MICALL2: variants seen among roughly 807,000 people sequenced by gnomAD.
MICALL2 encodes MICAL like 2, also known as MICAL-like protein 2.
MICALL2 carries 111 observed loss-of-function variants against 91.1 expected under a neutral mutation model. The observed-to-expected ratio is 1.22, with a 90% CI of 1.04 to 1.43. The LOEUF is 1.43. Ranked by LOEUF, MICALL2 falls within the 40% of genes most tolerant of loss-of-function variation. The pLI is 0.00. For synonymous variants in MICALL2, 694 were observed against 525.3 expected, an observed-to-expected ratio of 1.32 and a Z score of -4.39; for missense variants, 1,556 against 1,236.0, an observed-to-expected ratio of 1.26 and a Z score of -3.88.
At chr7:1,450,952 C>A (rs760551180) in intron 1 of MICALL2, among the ~76,000 whole-genome samples, 2 of 152,232 alleles carry the variant, frequency 1.3e-5, no homozygotes, top group Non-Finnish European at 1.5e-5. Flanking sequence ...ATGTCTGCAT[C>A]TCACAGAGAC....
rs1453925889 is a variant in MICALL2, at chr7:1,445,079, G to A, written c.991C>T (p.Pro331Ser). The change falls in exon 6 of 17, where the codon CCC (proline) becomes TCC (serine). Residue 331 changes from proline (P) to serine (S), a missense_variant. By Grantham distance (74) the Pro-to-Ser change is moderately conservative (BLOSUM62 -1). Coordinates refer to ENST00000297508, the MANE Select transcript of MICALL2 (RefSeq NM_182924.4). ...RPSESRLAPT[P>S]TEGKVRPRVT... ...CGAGGGCGGACTTTCCCCTCCGTGG[G>A]AGTGGGGGCCAGGCGGCTCTCAGAG... is the stretch of plus-strand genomic sequence containing the variant. The A allele has an allele frequency of 5.2e-6, 8 of 1,551,044 alleles. No individual in the cohort carries two copies. The highest frequency in any genetic ancestry group is 1.2e-5 in the South Asian group (1 of 84,318).
In MICALL2 at chr7:1,459,327, G is replaced by C. The variant is rs1416909596; in HGVS notation, c.-1C>G. On this transcript the variant is annotated 5_prime_UTR_variant, in exon 1 of 17. Coordinates refer to ENST00000297508, the MANE Select transcript of MICALL2 (RefSeq NM_182924.4). ...GTTGCAGCGCCCTGATGGCCGCCAT[G>C]TGGGCGGCGCGCCCGCCGCGCGGCG... 2.0e-6 allele frequency: 3 copies of C among 1,531,826 alleles called. No homozygotes were observed. The highest frequency in any genetic ancestry group is 2.9e-5 in the African/African-American group (2 of 69,548). 94.9% of individuals were successfully genotyped at this position (1,531,826 alleles called of 1,614,324 possible).
In MICALL2 at chr7:1,437,993, G is replaced by T. The variant is rs370169522; in HGVS notation, c.2312-13C>A. On this transcript the variant is annotated splice_polypyrimidine_tract_variant and intron_variant, in intron 12 of 16. Transcript: ENST00000297508. ...TCCTCAGCGTCATCTGGGGAGAGGA[G>T]CCAGCTGGGGCAGGGGGGCCCGCCA... 43 of 1,550,702 alleles carry T rather than the reference G, an allele frequency of 2.8e-5. No homozygotes were observed. The African/African-American group carries it at 4.8e-4, about 17-fold the overall frequency.
Position 1,459,182 on chromosome 7 carries a change from A to T in MICALL2, c.143+2T>A. Reference sequence around the variant, plus strand: ...AATCAAAGGGCGCCAGGCAGGACTTACATGAGGTCGGGCCGGTGGCGGTGC... The same window carrying T: ...AATCAAAGGGCGCCAGGCAGGACTTTCATGAGGTCGGGCCGGTGGCGGTGC... On this transcript the variant is annotated splice_donor_variant, in intron 1 of 16. Transcript: ENST00000297508. LOFTEE classifies it high-confidence loss of function. 6.2e-7 allele frequency: 1 copy of T among 1,608,292 alleles called. No individual in the cohort carries two copies. Among genetic ancestry groups the T allele is most frequent in the South Asian group, 1.1e-5 (1 of 90,460 alleles).
intron 14 of MICALL2, chr7:1,437,209 T>C (rs1420726074): frequency 4.1e-6 from 2 of 492,508 alleles, no homozygotes; most frequent in South Asian, 3.0e-5. Context: ...ACGAGACAAA[T>C]GCCTATGGCT....
At chr7:1,441,849 C>G (rs1780296502) in intron 7 of MICALL2, 1 of 337,654 alleles carries the variant, frequency 3.0e-6, no homozygotes, top group Non-Finnish European at 5.5e-6. Context: ...GGAGGCCCCA[C>G]AGACCACGGC....
At position 1,434,581 on chromosome 7, in the gene MICALL2, C is replaced by A. The variant is rs769538032; in HGVS notation, c.*15G>T. The A allele has an allele frequency of 3.1e-6, 5 of 1,605,930 alleles. No homozygotes were observed. The highest frequency in any genetic ancestry group is 2.2e-5 in the South Asian group (2 of 90,876). On this transcript the variant is annotated 3_prime_UTR_variant, in exon 17 of 17. Transcript: ENST00000297508. ...GGATGCCAGGTCCGGGCCGAGCCCA[C>A]GGCCCTACTGGCTACTACTGGGAGG...
rs761573906 is a variant in MICALL2 at position 1,444,710 on chromosome 7, T to C, written c.1360A>G (p.Asn454Asp). The C allele has an allele frequency of 1.9e-6, 3 of 1,612,238 alleles. No homozygotes were observed. The Admixed American group carries it at 5.0e-5, about 27-fold the overall frequency. The stretch of plus-strand genomic sequence containing the variant: ...GCTGAGAGGGCCTGCTTGAGGAAGT[T>C]CCGCGCCTGCTCCTTGCTGCTGTCC... Reference protein sequence around the residue: ...SKDSSKEQARNFLKQALSALE... With the variant: ...SKDSSKEQARDFLKQALSALE... The change falls in exon 6 of 17, where the codon AAC (asparagine) becomes GAC (aspartate). Residue 454 changes from asparagine (N) to aspartate (D), a missense_variant. Transcript: ENST00000297508.
Position 1,439,558 on chromosome 7 carries a change from A to G in MICALL2, c.1966+367T>C, listed in dbSNP as rs552100414. 2.5e-4 allele frequency: 56 copies of G among 226,394 alleles called. 1 individual carries two copies. In the Admixed American group the frequency reaches 3.1e-3, roughly 13 times the overall value. The allele number at this position is 226,394 out of a possible 1,614,324, so 14.0% of individuals were successfully genotyped here. A position where few individuals can be genotyped will look rare whatever the true frequency, so the allele number is the denominator to read the frequency against. ...ATGGACACGCATCACACATGTACAC[A>G]TGCATCACACGCATGAACACTGATG... On this transcript the variant is annotated intron_variant, in intron 9 of 16. Transcript: ENST00000297508.
In MICALL2 at chr7:1,434,402, T is replaced by A; in HGVS notation, c.*194A>T. On this transcript the variant is annotated 3_prime_UTR_variant, in exon 17 of 17. Transcript: ENST00000297508. ...GTTTCTTTATTGAGACCACAGACGG[T>A]AGCGCAGGTCCCTGCTGTCCACATG... is the stretch of plus-strand genomic sequence containing the variant. 1 of 692,342 alleles carries A rather than the reference T, an allele frequency of 1.4e-6. No individual in the cohort carries two copies. Among genetic ancestry groups the A allele is most frequent in the Non-Finnish European group, 2.6e-6 (1 of 378,676 alleles). 42.9% of individuals were successfully genotyped at this position (692,342 alleles called of 1,614,324 possible).
chr7:1,449,782 C>A (rs1780753874), intron 2 of MICALL2, among the ~76,000 whole-genome samples: 1 of 152,230 alleles, frequency 6.6e-6, no homozygotes, highest in Admixed American at 6.5e-5. Flanking sequence ...TGAGGCTGCA[C>A]ACAGGGAAGG....
intron 6 of MICALL2, among the ~76,000 whole-genome samples, chr7:1,444,259 GCGGCCTGTCCCCGCGTC>G (rs1419842395): frequency 1.3e-4 from 18 of 141,474 alleles, no homozygotes; most frequent in African/African-American, 5.0e-4. Flanking sequence ...GGTCCCGCTC[GCGGCCTGTCCCCGCGTC>G]CACTCAGACC....
chr7:1,438,299 G>A lies in MICALL2; in HGVS notation c.2177C>T (p.Ser726Phe), dbSNP rs951781385. Reference protein sequence around the residue: ...VPALPGETVTSPVRLHPDYLS... With the variant: ...VPALPGETVTFPVRLHPDYLS... Reference sequence around the variant, plus strand: ...CCCACCACTACTCACCCTGACTGGGGAGGTCACCGTCTCGCCAGGCAGAGC... The same window carrying A: ...CCCACCACTACTCACCCTGACTGGGAAGGTCACCGTCTCGCCAGGCAGAGC... Residue 726 changes from serine (S) to phenylalanine (F), a missense_variant, in exon 11 of 17, where the codon TCC becomes TTC. Transcript: ENST00000297508. 1.2e-6 allele frequency: 2 copies of A among 1,601,126 alleles called. No homozygotes were observed.
chr7:1,455,543 A>T, intron 1 of MICALL2, among the ~76,000 whole-genome samples: 1 of 147,118 alleles, frequency 6.8e-6, no homozygotes, highest in East Asian at 1.9e-4. Flanking sequence ...ATTCACGGAC[A>T]CCTCTCTGTA....
chr7:1,438,824 T>G lies in MICALL2; in HGVS notation c.2122+16A>C. Reference sequence around the variant, plus strand: ...TCACGTACACCCCAAACAGCAGCGGTGTCTCTGGGGCTGACCTGGTTTGCC... The same window carrying G: ...TCACGTACACCCCAAACAGCAGCGGGGTCTCTGGGGCTGACCTGGTTTGCC... On this transcript the variant is annotated intron_variant, in intron 10 of 16. Transcript: ENST00000297508. 2 of 1,586,246 alleles carry G rather than the reference T, an allele frequency of 1.3e-6. No individual in the cohort carries two copies. Among genetic ancestry groups the G allele is most frequent in the East Asian group, 4.5e-5 (2 of 44,216 alleles).
rs200801518 is a variant in MICALL2, at chr7:1,445,395, C to A, written c.675G>T (p.Gly225=). ...CCGGCTCTCCTGTGGCCTTGTAGGCCCCCGAGTGCAGCGTGCAGGAGCACT... is the reference window on the plus strand; with the variant it reads ...CCGGCTCTCCTGTGGCCTTGTAGGCACCCGAGTGCAGCGTGCAGGAGCACT... ...CKQCSCTLHS[G]AYKATGEPGT... The change falls in exon 6 of 17, where the codon GGG becomes GGT. Residue 225 remains glycine (G), a synonymous_variant. Transcript: ENST00000297508. The A allele has an allele frequency of 1.9e-6, 3 of 1,569,876 alleles. No homozygotes were observed. Among genetic ancestry groups the A allele is most frequent in the Non-Finnish European group, 2.6e-6 (3 of 1,164,840 alleles).
rs1356457984 is a variant in MICALL2, at chr7:1,440,015, C to G, written c.1876G>C (p.Gly626Arg). The change falls in exon 9 of 17, where the codon GGC becomes CGC. Residue 626 changes from glycine to arginine, a missense_variant. Physicochemically the swap from Gly to Arg is moderately radical, Grantham distance 125. Coordinates refer to ENST00000297508, the MANE Select transcript of MICALL2 (RefSeq NM_182924.4). Reference sequence around the variant, plus strand: ...ATGTGGACACTCCCAGCAAAGCTGCCTGAGACCTTCCTGGGGGCCTCCCCC... The same window carrying G: ...ATGTGGACACTCCCAGCAAAGCTGCGTGAGACCTTCCTGGGGGCCTCCCCC... ...RAGEAPRKVS[G>R]SFAGSVHITL... is the part of the protein sequence containing the mutation. 1 of 1,566,146 alleles carries G rather than the reference C, an allele frequency of 6.4e-7. No individual in the cohort carries two copies. The highest frequency in any genetic ancestry group is 8.6e-7 in the Non-Finnish European group (1 of 1,165,432).
rs752670202 is a variant in MICALL2 at position 1,446,765 on chromosome 7, G to T, written c.589C>A (p.Leu197Met). The T allele has an allele frequency of 1.2e-6, 2 of 1,608,608 alleles. 1 individual carries two copies. Among genetic ancestry groups the T allele is most frequent in the South Asian group, 2.2e-5 (2 of 90,490 alleles). ...TCGVCGKHVH[L>M]VQRHLADGRL... ...CCGTCGGCCAGGTGCCGCTGTACCAGGTGCACGTGCTTGCCGCAGACCCCG... is the reference window on the plus strand; with the variant it reads ...CCGTCGGCCAGGTGCCGCTGTACCATGTGCACGTGCTTGCCGCAGACCCCG... Residue 197 changes from leucine to methionine, a missense_variant, in exon 5 of 17, where the codon CTG becomes ATG. Physicochemically the swap from Leu to Met is conservative, Grantham distance 15. Transcript: ENST00000297508.
intron 1 of MICALL2, among the ~76,000 whole-genome samples, chr7:1,455,640 C>T (rs1196496897): frequency 1.3e-5 from 2 of 151,896 alleles, no homozygotes; most frequent in African/African-American, 2.4e-5. Flanking sequence ...CCCCCTCCAC[C>T]CGGGGTCGGT....
Sources: gnomAD v4.1 joint callset for allele counts (sites outside exome capture counted in the v4.1 genomes callset) on GRCh38, gnomAD v4.1.1 for gene constraint, MANE v1.5 for transcripts, NCBI Gene and HGNC (gene_info 2026-07-23, HGNC 2026-07-21) for gene names.